Variants in KMT2C observed in about 807,000 individuals in gnomAD.
The protein encoded by KMT2C is histone-lysine N-methyltransferase 2C.
A neutral mutation model predicts 507.9 loss-of-function variants in KMT2C; 88 were observed. The observed-to-expected ratio is 0.17, with a 90% confidence interval of 0.15 to 0.21. The LOEUF (loss-of-function observed/expected upper bound fraction) is 0.21. Among genes scored for constraint, KMT2C ranks in the 10% least tolerant of loss-of-function variants. The pLI is 1.00. For missense variants in KMT2C, 4,954 were observed against 5,957.8 expected, an observed-to-expected ratio of 0.83 and a Z score of 5.55; for synonymous variants, 2,049 against 2,080.8, an observed-to-expected ratio of 0.98 and a Z score of 0.42.
At chr7:152,330,917 A>G (rs536633836) in intron 2 of KMT2C, among the ~76,000 whole-genome samples, 178 bp from the exon 3 acceptor site, 1 of 152,354 alleles carries the variant, frequency 6.6e-6, no homozygotes, top group East Asian at 1.9e-4. Flanking sequence ...TTTATTCTCT[A>G]CCGCAAAATG....
chr7:152,171,922 T>A (rs776664372), intron 39 of KMT2C, among the ~76,000 whole-genome samples: 1 of 152,262 alleles, frequency 6.6e-6, no homozygotes, highest in Non-Finnish European at 1.5e-5. Context: ...TCAGTCTGCA[T>A]GGTTAAACGT....
intron 25 of KMT2C, among the ~76,000 whole-genome samples, chr7:152,203,525 T>A (rs559818922): frequency 6.6e-6 from 1 of 152,270 alleles, no homozygotes; most frequent in African/African-American, 2.4e-5. Context: ...TATTATAAAT[T>A]ATTTGTAGGA....
chr7:152,207,745 A>G (rs2094347167), intron 23 of KMT2C, among the ~76,000 whole-genome samples: 1 of 152,198 alleles, frequency 6.6e-6, no homozygotes, highest in Admixed American at 6.5e-5. Context: ...TCTCTAGACT[A>G]GAACTCTCTT....
chr7:152,407,632 ACTGCACT>A (rs1311468688), intron 1 of KMT2C, among the ~76,000 whole-genome samples: 1 of 8,042 alleles, frequency 1.2e-4, no homozygotes, highest in Non-Finnish European at 2.9e-4. Flanking sequence ...ACATCGCACC[ACTGCACT>A]CTAGCCTGGG....
At chr7:152,187,583 T>C in intron 32 of KMT2C, 107 bp from the exon 33 acceptor site, 1 of 1,418,850 alleles carries the variant, frequency 7.0e-7, no homozygotes, top group Non-Finnish European at 9.7e-7. Flanking sequence ...AAAAGTAACA[T>C]ATTTATAGCA....
At chr7:152,178,942 A>G (rs913252335) in intron 37 of KMT2C, among the ~76,000 whole-genome samples, 26 of 152,326 alleles carry the variant, frequency 1.7e-4, no homozygotes, top group Admixed American at 3.9e-4. Context: ...CACCATGGAA[A>G]GTTCCTAAAG....
At chr7:152,278,066 A>G (rs956420919) in intron 6 of KMT2C, among the ~76,000 whole-genome samples, 15 of 152,014 alleles carry the variant, frequency 9.9e-5, no homozygotes, top group African/African-American at 2.7e-4. Context: ...GTAATCCCCA[A>G]TGTTGGAGGT....
rs142131357 is a variant in KMT2C at position 152,186,714 on chromosome 7, C to T, written c.5008+548G>A. On this transcript the variant is annotated intron_variant, in intron 33 of 58. Coordinates refer to ENST00000262189, the MANE Select transcript of KMT2C (RefSeq NM_170606.3). ...TACCATGAACTCAAAATAATAAAAC[C>T]GCATTGCTTGCATATATTCAATAAT... 4.5e-4 allele frequency among the ~76,000 whole-genome samples: 69 copies of T among 152,190 alleles called. 1 individual carries two copies. Among genetic ancestry groups the T allele is most frequent in the Admixed American group, 1.9e-3 (29 of 15,284 alleles).
rs377386936 is a variant in KMT2C at position 152,159,114 on chromosome 7, C to T, written c.11461-42G>A. ...GGGTAAAAAATAAGTGAACAATTTG[C>T]ATATTTGGTTTTTAGTTCATGCAGT... On this transcript the variant is annotated intron_variant, in intron 43 of 58. Coordinates refer to ENST00000262189, the MANE Select transcript of KMT2C (RefSeq NM_170606.3). The T allele has an allele frequency of 4.4e-6, 7 of 1,584,548 alleles. No individual in the cohort carries two copies. In the South Asian group the frequency reaches 5.5e-5, roughly 13 times the overall value.
At chr7:152,245,167 C>A (rs1198407577) in intron 14 of KMT2C, among the ~76,000 whole-genome samples, 1 of 152,158 alleles carries the variant, frequency 6.6e-6, no homozygotes, top group Non-Finnish European at 1.5e-5. Flanking sequence ...CCATGAACAA[C>A]AGAAAAAGAA....
intron 7 of KMT2C, among the ~76,000 whole-genome samples, chr7:152,271,558 A>T (rs565284605): frequency 2.6e-5 from 4 of 151,672 alleles, no homozygotes; most frequent in Non-Finnish European, 1.5e-5. Context: ...CTGTAATCCC[A>T]GCTACTTGGG....
chr7:152,207,170 T>C (rs2094331346), intron 24 of KMT2C, 130 bp downstream of exon 24: 3 of 888,448 alleles, frequency 3.4e-6, no homozygotes, highest in East Asian at 2.9e-5. Flanking sequence ...CTTTAATTTA[T>C]GTGCACATAT....
At chr7:152,207,734 G>A (rs901308953) in intron 23 of KMT2C, among the ~76,000 whole-genome samples, 1 of 152,070 alleles carries the variant, frequency 6.6e-6, no homozygotes, top group Non-Finnish European at 1.5e-5. Flanking sequence ...TCAGGTCCAG[G>A]TCTCTAGACT....
Position 152,371,913 on chromosome 7 carries a change from C to T in KMT2C, c.162-13238G>A, listed in dbSNP as rs556929892. Among the ~76,000 whole-genome samples the T allele has an allele frequency of 8.6e-5, 13 of 151,966 alleles. 1 individual carries two copies. The highest frequency in any genetic ancestry group is 4.6e-4 in the Admixed American group (7 of 15,242). On this transcript the variant is annotated intron_variant, in intron 1 of 58. Coordinates refer to ENST00000262189, the MANE Select transcript of KMT2C (RefSeq NM_170606.3). ...ACAGGTGTGAGCCACCGTGCCTGGC[C>T]GAGTGGATTTTTAAAAACAAGATCC...
At chr7:152,334,763 G>C (rs1175985480) in intron 2 of KMT2C, among the ~76,000 whole-genome samples, 1 of 152,220 alleles carries the variant, frequency 6.6e-6, no homozygotes, top group African/African-American at 2.4e-5. Flanking sequence ...ATGGCAGAGA[G>C]ACAAGACAGA....
chr7:152,434,985 T>TCGGAG (rs2097902864), intron 1 of KMT2C, among the ~76,000 whole-genome samples: 1 of 152,034 alleles, frequency 6.6e-6, no homozygotes, highest in Non-Finnish European at 1.5e-5. Context: ...ACTTGTGCTT[T>TCGGAG]CGGAGCCCGG....
chr7:152,336,103 C>T (rs1469600342), intron 2 of KMT2C, among the ~76,000 whole-genome samples: 1 of 151,954 alleles, frequency 6.6e-6, no homozygotes, highest in African/African-American at 2.4e-5. Context: ...TTTGGTTTTA[C>T]TTTTGGTTTA....
At chr7:152,306,213 A>G (rs994132717) in intron 6 of KMT2C, among the ~76,000 whole-genome samples, 15 of 152,038 alleles carry the variant, frequency 9.9e-5, no homozygotes, top group Non-Finnish European at 1.9e-4. Context: ...GAATTTTACT[A>G]TTCCTTTTTG....
chr7:152,189,999 A>T (rs1563325508), intron 31 of KMT2C, among the ~76,000 whole-genome samples: 1 of 152,170 alleles, frequency 6.6e-6, no homozygotes, highest in East Asian at 1.9e-4. Context: ...CTGTCAGATC[A>T]GTGGCGGTAT....
Sources: allele counts gnomAD v4.1 joint callset (sites outside exome capture counted in the v4.1 genomes callset), GRCh38; gene constraint gnomAD v4.1.1; transcripts MANE v1.5; gene names NCBI Gene and HGNC (gene_info 2026-07-23, HGNC 2026-07-21).